Variants in PCGF1 observed in about 807,000 individuals in gnomAD.
The protein encoded by PCGF1 is polycomb group RING finger protein 1.
PCGF1 carries 10 observed loss-of-function variants against 38.8 expected under a neutral mutation model. The ratio of observed to expected loss-of-function variants is 0.26; its 90% CI spans 0.16 to 0.44. The LOEUF (loss-of-function observed/expected upper bound fraction) is 0.44, where lower values mean the gene tolerates loss of function less well. Ranked by LOEUF, PCGF1 falls within the 20% of genes least tolerant of loss-of-function variation. The pLI is 1.00. For synonymous variants in PCGF1, 119 were observed against 121.3 expected (o/e 0.98, Z 0.12); for missense variants, 230 against 331.5 (o/e 0.69, Z 2.38).
Position 74,507,584 on chromosome 2 carries a change from G to T in PCGF1, c.85C>A (p.Arg29=), listed in dbSNP as rs1178412486. The change falls in exon 1 of 9, where the codon CGG becomes AGG. Residue 29 remains arginine, a synonymous_variant. Transcript: ENST00000233630. ...CCCTGCCGCCCTTGCACCTCGTTCC[G>T]TAGCGGGTCCATCTTGTACACTGAC... The part of the protein sequence containing the change: ...LQSVYKMDPL[R]NEEEVRVKIK... 2 of 1,587,416 alleles carry T rather than the reference G, an allele frequency of 1.3e-6. No individual in the cohort carries two copies. Among genetic ancestry groups the T allele is most frequent in the South Asian group, 2.3e-5 (2 of 86,892 alleles).
intron 3 of PCGF1, 28 bp downstream of exon 3, chr2:74,506,704 G>A (rs376879850): frequency 6.2e-7 from 1 of 1,612,148 alleles, no homozygotes; most frequent in African/African-American, 1.3e-5. Flanking sequence ...TCCTCAAGAG[G>A]CCCCTCAAAG....
rs1217512335 is a variant in PCGF1, at chr2:74,507,501, G to C, written c.93+75C>G. ...CGCAGGCGCACTGGGCGCCCGGCCA[G>C]CCACCGCCCGTCCTTTAGCCCGCCC... On this transcript the variant is annotated intron_variant, in intron 1 of 8. Transcript: ENST00000233630. The C allele has an allele frequency of 7.8e-6, 12 of 1,531,218 alleles. No individual in the cohort carries two copies. In the South Asian group the frequency reaches 1.3e-4, roughly 17 times the overall value. 94.9% of individuals were successfully genotyped at this position (1,531,218 alleles called of 1,614,324 possible). A position where few individuals can be genotyped will look rare whatever the true frequency, so the allele number is the denominator to read the frequency against.
At chr2:74,505,914 G>A (rs1558595089) in intron 5 of PCGF1, 38 bp downstream of exon 5, 1 of 1,609,508 alleles carries the variant, frequency 6.2e-7, no homozygotes, top group Non-Finnish European at 8.5e-7. Context: ...TGGGTCATTG[G>A]CACTGTCACC....
At chr2:74,506,617 TCCTTCCC>T in intron 3 of PCGF1, 108 bp downstream of exon 3, 1 of 1,180,250 alleles carries the variant, frequency 8.5e-7, no homozygotes, top group South Asian at 1.3e-5. Flanking sequence ...TCACTTTTTG[TCCTTCCC>T]TCATCTTTGG....
In PCGF1 at chr2:74,507,588, C is replaced by T; in HGVS notation, c.81G>A (p.Pro27=). ...GCCGCCCTTGCACCTCGTTCCGTAG[C>T]GGGTCCATCTTGTACACTGACTGGA... is the stretch of plus-strand genomic sequence containing the variant. ...NQLQSVYKMD[P]LRNEEEVRVK... is the part of the protein sequence containing the mutation. Residue 27 remains proline, a synonymous_variant, in exon 1 of 9, where the codon CCG becomes CCA. Transcript: ENST00000233630. 6.3e-7 allele frequency: 1 copy of T among 1,588,362 alleles called. No homozygotes were observed. The highest frequency in any genetic ancestry group is 8.6e-7 in the Non-Finnish European group (1 of 1,167,900).
intron 1 of PCGF1, chr2:74,507,359 T>C (rs944036732): frequency 4.8e-6 from 7 of 1,452,158 alleles, no homozygotes; most frequent in Middle Eastern, 2.5e-4. Context: ...TGGACTCGCC[T>C]GACCCTCCTT....
In PCGF1 at chr2:74,505,632, A is replaced by G; in HGVS notation, c.571T>C (p.Tyr191His). 6.2e-7 allele frequency: 1 copy of G among 1,613,918 alleles called. No homozygotes were observed. The highest frequency in any genetic ancestry group is 8.5e-7 in the Non-Finnish European group (1 of 1,179,942). The part of the protein sequence containing the change: ...DKNKSVLQNK[Y>H]VRCSVRAEVR... ...TCAGCTCTAACAGAACATCGGACAT[A>G]CTTGTTCTGGGAGCAGGGAGGGGAG... The change falls in exon 7 of 9, where the codon TAT becomes CAT. Residue 191 changes from tyrosine (Y) to histidine (H), a missense_variant. Physicochemically the swap from Tyr to His is moderately conservative, Grantham distance 83. Around this residue, in one of 3 missense-constraint regions of PCGF1, gnomAD observed 144 missense variants for 182.4 expected, o/e 0.79. Transcript: ENST00000233630.
chr2:74,506,776 A>T lies in PCGF1; in HGVS notation c.308T>A (p.Val103Asp), dbSNP rs974388878. Reference protein sequence around the residue: ...QPLLNLKLDRVMQDIVYKLVP... With the variant: ...QPLLNLKLDRDMQDIVYKLVP... ...CAGCTTATACACGATGTCCTGCATG[A>T]CCCGGTCCAGTTTGAGGTTGAGCAG... Residue 103 changes from valine (V) to aspartate (D), a missense_variant, in exon 3 of 9, where the codon GTC (valine) becomes GAC (aspartate). Transcript: ENST00000233630. The T allele has an allele frequency of 6.2e-7, 1 of 1,614,034 alleles. No homozygotes were observed. Among genetic ancestry groups the T allele is most frequent in the Admixed American group, 1.7e-5 (1 of 60,002 alleles).
Position 74,505,353 on chromosome 2 carries a change from G to A in PCGF1, c.718C>T (p.Arg240Cys), listed in dbSNP as rs201559196. ...GCCTGGCTTACCTTGCCGAACCAGC[G>A]GGAGAGCCATATCTGCTTCATTGTC... ...HMTMKQIWLS[R>C]WFGKPSPLLL... Residue 240 changes from arginine to cysteine, a missense_variant, in exon 8 of 9, where the codon CGC becomes TGC. Transcript: ENST00000233630. 1.4e-5 allele frequency: 23 copies of A among 1,608,796 alleles called. No individual in the cohort carries two copies. The highest frequency in any genetic ancestry group is 1.7e-4 in the Middle Eastern group (1 of 6,042).
Position 74,505,435 on chromosome 2 carries a change from G to C in PCGF1, c.652-16C>G. ...GGAGCTGCACCTAGGAGGGAGATGG[G>C]GGCATAATTTTAGGAACTTTCTGGC... On this transcript the variant is annotated splice_polypyrimidine_tract_variant and intron_variant, in intron 7 of 8. Transcript: ENST00000233630. 1 of 1,606,676 alleles carries C rather than the reference G, an allele frequency of 6.2e-7. No individual in the cohort carries two copies. Among genetic ancestry groups the C allele is most frequent in the South Asian group, 1.1e-5 (1 of 90,514 alleles).
chr2:74,506,133 C>G (rs955614540), intron 4 of PCGF1, 48 bp downstream of exon 4: 7 of 1,612,396 alleles, frequency 4.3e-6, no homozygotes, highest in Non-Finnish European at 5.9e-6. Flanking sequence ...CAAAACTGGG[C>G]AAGAAGAATG....
chr2:74,505,052 A>G lies in PCGF1; in HGVS notation c.*91T>C, dbSNP rs1330969294. On this transcript the variant is annotated 3_prime_UTR_variant, in exon 9 of 9. Transcript: ENST00000233630. ...TAAGGCAGAAGAGAGGTGCTTTTTAAAAGTTTTTATTTCAAAAAATAAAGC... is the reference window on the plus strand; with the variant it reads ...TAAGGCAGAAGAGAGGTGCTTTTTAGAAGTTTTTATTTCAAAAAATAAAGC... 6.7e-6 allele frequency: 9 copies of G among 1,348,848 alleles called. No individual in the cohort carries two copies. Among genetic ancestry groups the G allele is most frequent in the Admixed American group, 3.1e-5 (1 of 32,208 alleles). 83.6% of individuals were successfully genotyped at this position (1,348,848 alleles called of 1,614,324 possible). A position where few individuals can be genotyped will look rare whatever the true frequency, so the allele number is the denominator to read the frequency against.
Position 74,505,574 on chromosome 2 carries a change from C to T in PCGF1, c.629G>A (p.Arg210His), listed in dbSNP as rs117505699. ...CACATGCTGAGGGTTTAGCATCAAGCGGTGACACAGGACCCTCCGGAGATG... is the reference window on the plus strand; with the variant it reads ...CACATGCTGAGGGTTTAGCATCAAGTGGTGACACAGGACCCTCCGGAGATG... Reference protein sequence around the residue: ...VRHLRRVLCHRLMLNPQHVQL... With the variant: ...VRHLRRVLCHHLMLNPQHVQL... The change falls in exon 7 of 9, where the codon CGC (arginine) becomes CAC (histidine). Residue 210 changes from arginine to histidine, a missense_variant. Transcript: ENST00000233630. 6.8e-6 allele frequency: 11 copies of T among 1,613,986 alleles called. No individual in the cohort carries two copies. Among genetic ancestry groups the T allele is most frequent in the African/African-American group, 1.3e-5 (1 of 74,892 alleles).
At chr2:74,507,298 T>C in intron 1 of PCGF1, 151 bp from the exon 2 acceptor site, 2 of 1,458,686 alleles carry the variant, frequency 1.4e-6, no homozygotes, top group Non-Finnish European at 9.1e-7. Flanking sequence ...GGGCTGGCAC[T>C]CCCCCTCCGC....
At position 74,505,118 on chromosome 2, in the gene PCGF1, G is replaced by A. The variant is rs772333079; in HGVS notation, c.*25C>T. 8 of 1,464,634 alleles carry A rather than the reference G, an allele frequency of 5.5e-6. No individual in the cohort carries two copies. The highest frequency in any genetic ancestry group is 1.4e-5 in the African/African-American group (1 of 70,712). The allele number at this position is 1,464,634 out of a possible 1,614,324, so 90.7% of individuals were successfully genotyped here. A position where few individuals can be genotyped will look rare whatever the true frequency, so the allele number is the denominator to read the frequency against. ...ATAAATATCTGGGGAGGGAAGGGGA[G>A]TGGGATGGGGTGGGGGCTTGGCCCC... is the stretch of plus-strand genomic sequence containing the variant. On this transcript the variant is annotated 3_prime_UTR_variant, in exon 9 of 9. Coordinates refer to ENST00000233630, the MANE Select transcript of PCGF1 (RefSeq NM_032673.3).
At chr2:74,507,456 C>A in intron 1 of PCGF1, 120 bp downstream of exon 1, 5 of 1,485,570 alleles carry the variant, frequency 3.4e-6, no homozygotes, top group Non-Finnish European at 3.6e-6. Context: ...CACGCAGGCG[C>A]ACTGGGCACT....
intron 1 of PCGF1, 73 bp downstream of exon 1, chr2:74,507,503 C>G (rs1674670207): frequency 6.5e-7 from 1 of 1,532,724 alleles, no homozygotes. Flanking sequence ...CCCGGCCAGC[C>G]ACCGCCCGTC....
At chr2:74,507,298 T>TC in intron 1 of PCGF1, 151 bp from the exon 2 acceptor site, 1 of 1,458,706 alleles carries the variant, frequency 6.9e-7, no homozygotes, top group Non-Finnish European at 9.1e-7. Flanking sequence ...GGGCTGGCAC[T>TC]CCCCCTCCGC....
In PCGF1 at chr2:74,507,332, C is replaced by CG. The variant is rs952723664; in HGVS notation, c.94-186dup. On this transcript the variant is annotated intron_variant, in intron 1 of 8. Transcript: ENST00000233630. ...GCCCAGCAGAGGGCTCCGCGCACAG[C>CG]GGGGGCTTCCCTCACGTGGACTCGC... 1.2e-5 allele frequency: 18 copies of CG among 1,454,824 alleles called. No individual in the cohort carries two copies. In the African/African-American group the frequency reaches 1.6e-4, roughly 13 times the overall value. The allele number at this position is 1,454,824 out of a possible 1,614,324, so 90.1% of individuals were successfully genotyped here.
Sources: gnomAD v4.1 joint callset for allele counts on GRCh38, gnomAD v4.1.1 for gene constraint, gnomAD v4.1.1 regional missense constraint, MANE v1.5 for transcripts, NCBI Gene and HGNC (gene_info 2026-07-23, HGNC 2026-07-21) for gene names.